DLG2: variants seen among roughly 807,000 people sequenced by gnomAD.
The protein encoded by DLG2 is disks large homolog 2.
Under a neutral mutation model 132.5 loss-of-function variants are expected in DLG2, and 45 were observed. The observed-to-expected ratio is 0.34, with a 90% CI of 0.27 to 0.44. The LOEUF (loss-of-function observed/expected upper bound fraction) is 0.44, where lower values mean the gene tolerates loss of function less well. DLG2 is among the 20% of genes least tolerant of loss of function. The pLI is 1.00. For missense variants in DLG2, 1,045 were observed against 1,196.9 expected (o/e 0.87, Z 1.87); for synonymous variants, 424 against 419.6 (o/e 1.01, Z -0.13).
chr11:83,468,285 T>C (rs2091492318), intron 25 of DLG2, among the ~76,000 whole-genome samples: 1 of 152,212 alleles, frequency 6.6e-6, no homozygotes, highest in East Asian at 1.9e-4. Context: ...ACTTAGGTAA[T>C]AGATTTCAAG....
chr11:84,237,072 G>T (rs1354386458), intron 8 of DLG2, among the ~76,000 whole-genome samples: 1 of 151,930 alleles, frequency 6.6e-6, no homozygotes. Context: ...GAGACTACAG[G>T]CGCGTGCCAC....
At chr11:84,562,227 T>C (rs2099430067) in intron 6 of DLG2, among the ~76,000 whole-genome samples, 1 of 152,122 alleles carries the variant, frequency 6.6e-6, no homozygotes, top group Non-Finnish European at 1.5e-5. Flanking sequence ...GACTAAATAA[T>C]GACTACCATT....
chr11:84,844,229 T>A (rs1385056406), intron 6 of DLG2, among the ~76,000 whole-genome samples: 4 of 148,364 alleles, frequency 2.7e-5, no homozygotes, highest in Non-Finnish European at 6.0e-5. Context: ...GTGCCCAAAA[T>A]GTATTTAATG....
chr11:83,498,072 A>C (rs759871825), intron 21 of DLG2, among the ~76,000 whole-genome samples: 18 of 152,098 alleles, frequency 1.2e-4, no homozygotes, highest in Non-Finnish European at 2.2e-4. Context: ...ATCCTGTTTA[A>C]ATTTAGTTGT....
chr11:83,717,980 C>A (rs1047329299), intron 18 of DLG2, among the ~76,000 whole-genome samples: 2 of 152,182 alleles, frequency 1.3e-5, no homozygotes. Flanking sequence ...AATCCCTGTT[C>A]TGGTCTATCT....
At chr11:85,427,892 C>T (rs528209601) in intron 3 of DLG2, among the ~76,000 whole-genome samples, 5 of 152,196 alleles carry the variant, frequency 3.3e-5, no homozygotes, top group East Asian at 1.9e-4. Context: ...ATCTCATGTG[C>T]GAAGACACAC....
chr11:83,703,242 G>A (rs2083278939), intron 18 of DLG2, among the ~76,000 whole-genome samples: 1 of 152,214 alleles, frequency 6.6e-6, no homozygotes, highest in Non-Finnish European at 1.5e-5. Flanking sequence ...TCTGGATCCT[G>A]TAAACCCACT....
At chr11:85,087,670 C>A (rs1031095492) in intron 6 of DLG2, among the ~76,000 whole-genome samples, 1 of 150,412 alleles carries the variant, frequency 6.6e-6, no homozygotes, top group East Asian at 2.0e-4. Context: ...AACCCCGTCT[C>A]TACTAAAAAT....
intron 21 of DLG2, among the ~76,000 whole-genome samples, chr11:83,524,426 CT>C (rs975893086): frequency 3.1e-4 from 46 of 148,182 alleles, no homozygotes; most frequent in South Asian, 6.4e-4. Context: ...GCAGGATACA[CT>C]TTTTTTTTTT....
At chr11:84,773,309 C>T (rs1326942260) in intron 6 of DLG2, among the ~76,000 whole-genome samples, 1 of 151,956 alleles carries the variant, frequency 6.6e-6, no homozygotes, top group Non-Finnish European at 1.5e-5. Flanking sequence ...CCAGAAATAG[C>T]CCTGGAGAAG....
At position 83,786,481 on chromosome 11, in the gene DLG2, CCTTT is replaced by C. The variant is rs377734905; in HGVS notation, c.1825+205_1825+208del. On this transcript the variant is annotated intron_variant, in intron 18 of 27. Transcript: ENST00000376104. ...TTATTTGAATTCATATTTTCATAGGCCTTTCTAACTGCTTGATATTTTCCTGGAA... is the reference window on the plus strand; with the variant it reads ...TTATTTGAATTCATATTTTCATAGGCCTAACTGCTTGATATTTTCCTGGAA... 6.3e-4 allele frequency: 328 copies of C among 520,158 alleles called. 5 individuals carry two copies. The East Asian group carries it at 7.4e-3, about 12-fold the overall frequency. 32.2% of individuals were successfully genotyped at this position (520,158 alleles called of 1,614,324 possible). A position where few individuals can be genotyped will look rare whatever the true frequency, so the allele number is the denominator to read the frequency against.
At chr11:84,843,667 C>T (rs938321774) in intron 6 of DLG2, among the ~76,000 whole-genome samples, 1 of 151,834 alleles carries the variant, frequency 6.6e-6, no homozygotes, top group Non-Finnish European at 1.5e-5. Flanking sequence ...TTTAAATCAT[C>T]TCTAGGTTAC....
rs547693978 is a variant in DLG2 at position 85,501,329 on chromosome 11, T to G, written c.40+97328A>C. Among the ~76,000 whole-genome samples, 3 of 152,232 alleles carry G rather than the reference T, an allele frequency of 2.0e-5. No homozygotes were observed. The East Asian group carries it at 5.8e-4, about 29-fold the overall frequency. On this transcript the variant is annotated intron_variant, in intron 3 of 27. Transcript: ENST00000376104. ...ACCATAAAAATCCTAGAAGAAAACC[T>G]GTGAAATACCATTCAGGACATAGGC...
intron 18 of DLG2, among the ~76,000 whole-genome samples, chr11:83,781,478 G>A (rs950548982): frequency 1.3e-5 from 2 of 152,124 alleles, no homozygotes; most frequent in Non-Finnish European, 2.9e-5. Flanking sequence ...GAGTCTCCAG[G>A]CAATTATCAA....
intron 19 of DLG2, among the ~76,000 whole-genome samples, chr11:83,614,188 C>A (rs912454932): frequency 6.6e-6 from 1 of 152,166 alleles, no homozygotes. Context: ...GGTCCCTCCA[C>A]TACACTGGGA....
At chr11:84,778,531 G>T (rs1286145155) in intron 6 of DLG2, among the ~76,000 whole-genome samples, 3 of 152,110 alleles carry the variant, frequency 2.0e-5, no homozygotes, top group African/African-American at 7.2e-5. Flanking sequence ...TCTGTAGATT[G>T]CTTTGAGCAG....
chr11:84,559,285 C>G (rs991542031), intron 6 of DLG2, among the ~76,000 whole-genome samples: 2 of 151,946 alleles, frequency 1.3e-5, no homozygotes, highest in Non-Finnish European at 2.9e-5. Context: ...TGGTTGTTAA[C>G]CAGACACAGA....
chr11:84,481,403 G>T (rs75998797), intron 7 of DLG2, among the ~76,000 whole-genome samples: 1,598 of 152,202 alleles, frequency 0.01, 16 homozygotes, highest in African/African-American at 0.035. Flanking sequence ...GAGGCCATCT[G>T]AGGTAAATGT....
chr11:84,893,062 G>A (rs574039716), intron 6 of DLG2, among the ~76,000 whole-genome samples: 68 of 152,090 alleles, frequency 4.5e-4, no homozygotes, highest in Non-Finnish European at 7.2e-4. Context: ...CAATTTTGAC[G>A]CGTACTCTTC....
Sources: gnomAD v4.1 joint callset for allele counts (sites outside exome capture counted in the v4.1 genomes callset) on GRCh38, gnomAD v4.1.1 for gene constraint, MANE v1.5 for transcripts, NCBI Gene and HGNC (gene_info 2026-07-23, HGNC 2026-07-21) for gene names.